TRPS1: variants seen among roughly 807,000 people sequenced by gnomAD.
TRPS1 encodes zinc finger transcription factor Trps1.
A neutral mutation model predicts 101.2 loss-of-function variants in TRPS1; 6 were observed. The observed-to-expected ratio is 0.06, with a 90% CI of 0.03 to 0.12. The LOEUF (loss-of-function observed/expected upper bound fraction) is 0.12. Ranked by LOEUF, TRPS1 falls within the 10% of genes least tolerant of loss-of-function variation. TRPS1 has a pLI of 1.00. For synonymous variants in TRPS1, 578 were observed against 589.8 expected, an observed-to-expected ratio of 0.98 and a Z score of 0.29; for missense variants, 1,363 against 1,567.0, an observed-to-expected ratio of 0.87 and a Z score of 2.20.
At chr8:115,609,610 C>G (rs1291216111) in intron 3 of TRPS1, among the ~76,000 whole-genome samples, 4 of 152,160 alleles carry the variant, frequency 2.6e-5, no homozygotes, top group Non-Finnish European at 4.4e-5. Flanking sequence ...TGGCCTTCTT[C>G]AAGAAACTAC....
chr8:115,566,125 G>T (rs1409524171), intron 5 of TRPS1, among the ~76,000 whole-genome samples: 1 of 152,090 alleles, frequency 6.6e-6, no homozygotes, highest in Non-Finnish European at 1.5e-5. Context: ...ATGGGCAAAA[G>T]TTAAGTATGA....
intron 3 of TRPS1, among the ~76,000 whole-genome samples, chr8:115,609,319 C>CA (rs1277032806): frequency 6.6e-6 from 1 of 152,162 alleles, no homozygotes; most frequent in Non-Finnish European, 1.5e-5. Flanking sequence ...CATTCAGTGA[C>CA]AAACTCACAC....
In TRPS1 at chr8:115,465,614, G is replaced by C. The variant is rs963690106; in HGVS notation, c.2701-47162C>G. Among the ~76,000 whole-genome samples, 3 of 152,128 alleles carry C rather than the reference G, an allele frequency of 2.0e-5. No individual in the cohort carries two copies. In the South Asian group the frequency reaches 6.2e-4, roughly 32 times the overall value. The stretch of plus-strand genomic sequence containing the variant: ...TTGAAAAGATACATATACTGTCCTA[G>C]GTAATATTATTAAGTCTGAACACTT... On this transcript the variant is annotated intron_variant, in intron 5 of 6. Coordinates refer to ENST00000395715, the MANE Select transcript of TRPS1 (RefSeq NM_014112.5).
chr8:115,412,946 G>C lies in TRPS1; in HGVS notation c.*1077C>G, dbSNP rs981392991. 2 of 152,542 alleles carry C rather than the reference G, an allele frequency of 1.3e-5. No individual in the cohort carries two copies. Among genetic ancestry groups the C allele is most frequent in the Non-Finnish European group, 2.9e-5 (2 of 68,020 alleles). The allele number at this position is 152,542 out of a possible 1,614,324, so 9.4% of individuals were successfully genotyped here. ...GGATTGGCTGGTACATATACCAACT[G>C]TCAGTCTGTGGTAACGTAACCTTAG... On this transcript the variant is annotated 3_prime_UTR_variant, in exon 7 of 7. Transcript: ENST00000395715.
chr8:115,490,299 G>T (rs1000643629), intron 5 of TRPS1, among the ~76,000 whole-genome samples: 2 of 152,062 alleles, frequency 1.3e-5, no homozygotes, highest in Non-Finnish European at 1.5e-5. Flanking sequence ...TCTTTAATGT[G>T]AGGATATTTT....
chr8:115,562,268 T>C (rs1238620469), intron 5 of TRPS1, among the ~76,000 whole-genome samples: 1 of 152,130 alleles, frequency 6.6e-6, no homozygotes, highest in African/African-American at 2.4e-5. Flanking sequence ...TCCCTTTATT[T>C]TGAAGCTTTC....
intron 5 of TRPS1, among the ~76,000 whole-genome samples, chr8:115,532,718 A>G (rs534419530): frequency 1.3e-5 from 2 of 152,266 alleles, no homozygotes; most frequent in Non-Finnish European, 1.5e-5. Flanking sequence ...CCTGGACACA[A>G]AAAGTCCTCA....
At chr8:115,512,277 T>C (rs1815604793) in intron 5 of TRPS1, among the ~76,000 whole-genome samples, 1 of 151,732 alleles carries the variant, frequency 6.6e-6, no homozygotes, top group Admixed American at 6.6e-5. Context: ...GTTTTTTAGG[T>C]TTTGGTTGCC....
chr8:115,513,896 A>T lies in TRPS1; in HGVS notation c.2700+73105T>A, dbSNP rs531083932. ...ATATATAAAGAGTTGTGTGAAAGAAATAAAAGTGATACATAATTATAGCTA... is the reference window on the plus strand; with the variant it reads ...ATATATAAAGAGTTGTGTGAAAGAATTAAAAGTGATACATAATTATAGCTA... On this transcript the variant is annotated intron_variant, in intron 5 of 6. Coordinates refer to ENST00000395715, the MANE Select transcript of TRPS1 (RefSeq NM_014112.5). Among the ~76,000 whole-genome samples, 3 of 151,764 alleles carry T rather than the reference A, an allele frequency of 2.0e-5. No individual in the cohort carries two copies. In the East Asian group the frequency reaches 5.8e-4, roughly 29 times the overall value.
chr8:115,568,610 TA>T (rs945979582), intron 5 of TRPS1, among the ~76,000 whole-genome samples: 1 of 152,230 alleles, frequency 6.6e-6, no homozygotes, highest in African/African-American at 2.4e-5. Flanking sequence ...GCCACTGCTC[TA>T]AAAAATATAT....
chr8:115,433,859 A>G (rs970263766), intron 5 of TRPS1, among the ~76,000 whole-genome samples: 1 of 152,160 alleles, frequency 6.6e-6, no homozygotes, highest in Non-Finnish European at 1.5e-5. Context: ...GCCGGGGAAA[A>G]ATCAGACAAC....
intron 5 of TRPS1, among the ~76,000 whole-genome samples, chr8:115,534,222 T>C (rs560333694): frequency 2.0e-5 from 3 of 151,560 alleles, no homozygotes; most frequent in East Asian, 3.9e-4. Flanking sequence ...TGCAGTACCA[T>C]CACACTGGAG....
intron 4 of TRPS1, among the ~76,000 whole-genome samples, chr8:115,593,229 G>T (rs937586859): frequency 6.6e-6 from 1 of 152,066 alleles, no homozygotes; most frequent in Non-Finnish European, 1.5e-5. Flanking sequence ...AAAATTGTCA[G>T]GAATAATCCC....
At chr8:115,605,062 G>C (rs568896501) in intron 3 of TRPS1, 60 bp from the exon 4 acceptor site, 4 of 1,516,822 alleles carry the variant, frequency 2.6e-6, no homozygotes, top group Non-Finnish European at 2.7e-6. Flanking sequence ...TGGGCCCTCT[G>C]CAGGGGAGGG....
At chr8:115,473,801 C>A (rs188691515) in intron 5 of TRPS1, among the ~76,000 whole-genome samples, 30 of 152,204 alleles carry the variant, frequency 2.0e-4, no homozygotes, top group African/African-American at 7.0e-4. Context: ...AGCTGTACAA[C>A]CACAACCATA....
intron 1 of TRPS1, among the ~76,000 whole-genome samples, chr8:115,666,294 A>G (rs2130639779): frequency 6.6e-6 from 1 of 152,256 alleles, no homozygotes; most frequent in Non-Finnish European, 1.5e-5. Flanking sequence ...AAAAAAAAAA[A>G]ATCCTCAAAA....
chr8:115,553,935 T>G (rs1021170811), intron 5 of TRPS1, among the ~76,000 whole-genome samples: 2 of 152,202 alleles, frequency 1.3e-5, no homozygotes, highest in Admixed American at 1.3e-4. Context: ...CAGGCTCTGA[T>G]AGCTGAGTAT....
At chr8:115,534,317 C>T (rs371380281) in intron 5 of TRPS1, among the ~76,000 whole-genome samples, 2 of 149,444 alleles carry the variant, frequency 1.3e-5, no homozygotes, top group African/African-American at 4.9e-5. Flanking sequence ...AAGCTCTAAC[C>T]GCAGTACCAT....
At chr8:115,549,238 C>G (rs1187295981) in intron 5 of TRPS1, among the ~76,000 whole-genome samples, 1 of 152,124 alleles carries the variant, frequency 6.6e-6, no homozygotes, top group Non-Finnish European at 1.5e-5. Context: ...CTATCAGGAA[C>G]CTTTAAGAAA....
Sources: gnomAD v4.1 joint callset for allele counts (sites outside exome capture counted in the v4.1 genomes callset) on GRCh38, gnomAD v4.1.1 for gene constraint, MANE v1.5 for transcripts, NCBI Gene and HGNC (gene_info 2026-07-23, HGNC 2026-07-21) for gene names.